The following IL15 variants were observed in gnomAD, a reference collection of about 807,000 sequenced individuals.
IL15 encodes interleukin 15.
IL15 carries 11 observed loss-of-function variants against 19.6 expected under a neutral mutation model. That is an observed-to-expected ratio of 0.56 (90% CI 0.35 to 0.93). The LOEUF (loss-of-function observed/expected upper bound fraction) is 0.93. Ranked by LOEUF, IL15 falls within the 40% of genes least tolerant of loss-of-function variation. The pLI, the probability that IL15 is intolerant of heterozygous loss-of-function variation, is 0.01. For missense variants in IL15, 197 were observed against 186.5 expected, an observed-to-expected ratio of 1.06 and a Z score of -0.33; for synonymous variants, 58 against 59.6, an observed-to-expected ratio of 0.97 and a Z score of 0.12.
intron 2 of IL15, among the ~76,000 whole-genome samples, chr4:141,693,016 C>CCAAAAAAAAAAAAAAAAAAAAAAAAAAA (rs1728968337): frequency 4.3e-5 from 1 of 23,232 alleles, no homozygotes; most frequent in Non-Finnish European, 7.7e-5. Flanking sequence ...GACTCCGTCT[C>CCAAAAAAAAAAAAAAAAAAAAAAAAAAA]AAAAAAAAAA....
intron 1 of IL15, among the ~76,000 whole-genome samples, chr4:141,644,570 T>G (rs1035928343): frequency 2.6e-5 from 4 of 152,134 alleles, no homozygotes; most frequent in Admixed American, 2.6e-4. Flanking sequence ...ATCATTTAAC[T>G]AATTATTGAC....
intron 1 of IL15, among the ~76,000 whole-genome samples, chr4:141,641,113 C>T (rs1039918794): frequency 6.6e-6 from 1 of 152,158 alleles, no homozygotes; most frequent in Non-Finnish European, 1.5e-5. Context: ...ACACTGTTAG[C>T]ACTGACCTCT....
intron 4 of IL15, 135 bp downstream of exon 4, chr4:141,720,701 C>T: frequency 3.0e-6 from 2 of 674,646 alleles, no homozygotes; most frequent in Non-Finnish European, 5.3e-6. Context: ...GGATAGAAGG[C>T]AGACTACAGA....
At chr4:141,700,686 A>G (rs1579032901) in intron 2 of IL15, among the ~76,000 whole-genome samples, 2 of 152,306 alleles carry the variant, frequency 1.3e-5, no homozygotes, top group East Asian at 3.9e-4. Context: ...AAGGCCAAGA[A>G]AGTTTTCCTC....
At chr4:141,663,610 G>C (rs968195085) in intron 2 of IL15, among the ~76,000 whole-genome samples, 18 of 152,194 alleles carry the variant, frequency 1.2e-4, no homozygotes, top group African/African-American at 4.3e-4. Flanking sequence ...AACAAGGCCT[G>C]TTCAGATTCT....
chr4:141,654,871 G>A (rs1485285371), intron 1 of IL15, among the ~76,000 whole-genome samples: 1 of 152,118 alleles, frequency 6.6e-6, no homozygotes, highest in Non-Finnish European at 1.5e-5. Flanking sequence ...GGAGAAGCTA[G>A]CTTGCTATCT....
intron 1 of IL15, among the ~76,000 whole-genome samples, chr4:141,655,752 C>T (rs963201198): frequency 1.3e-5 from 2 of 152,082 alleles, no homozygotes; most frequent in African/African-American, 4.8e-5. Flanking sequence ...GGAGACTTTG[C>T]CACTTCACTT....
At chr4:141,721,652 TA>T in intron 4 of IL15, 1 of 520,822 alleles carries the variant, frequency 1.9e-6, no homozygotes, top group Non-Finnish European at 3.5e-6. Context: ...TTCATTGTGA[TA>T]AATTGAGCCA....
intron 2 of IL15, among the ~76,000 whole-genome samples, chr4:141,693,041 A>AAAAAG (rs1432170620): frequency 6.7e-6 from 1 of 148,962 alleles, no homozygotes; most frequent in Non-Finnish European, 1.5e-5. Flanking sequence ...AAAAAAAAAA[A>AAAAAG]AGATACTACC....
At chr4:141,655,920 G>T (rs754097489) in intron 1 of IL15, among the ~76,000 whole-genome samples, 1 of 152,078 alleles carries the variant, frequency 6.6e-6, no homozygotes, top group Non-Finnish European at 1.5e-5. Context: ...AAGCATTATA[G>T]GTTTTAAAAA....
chr4:141,717,314 G>A (rs1196862972), intron 2 of IL15: 1 of 152,138 alleles, frequency 6.6e-6, no homozygotes, highest in African/African-American at 2.4e-5. Flanking sequence ...TTTAAGAAGT[G>A]GGATCTTTAA....
Position 141,733,927 on chromosome 4 carries a change from C to A in IL15, c.*1079C>A, listed in dbSNP as rs1219430813. On this transcript the variant is annotated 3_prime_UTR_variant, in exon 8 of 8. Transcript: ENST00000320650. ...CTGTCTAAAATTAGCAAGCTCTCTTCTAATGGAACTGTAAGAAAGATGAAA... is the reference window on the plus strand; with the variant it reads ...CTGTCTAAAATTAGCAAGCTCTCTTATAATGGAACTGTAAGAAAGATGAAA... 6.6e-6 allele frequency: 1 copy of A among 152,116 alleles called. No individual in the cohort carries two copies. Among genetic ancestry groups the A allele is most frequent in the Non-Finnish European group, 1.5e-5 (1 of 68,012 alleles). The allele number at this position is 152,116 out of a possible 1,614,324, so 9.4% of individuals were successfully genotyped here. A position where few individuals can be genotyped will look rare whatever the true frequency, so the allele number is the denominator to read the frequency against.
intron 6 of IL15, among the ~76,000 whole-genome samples, chr4:141,729,192 G>A (rs1367089026): frequency 6.6e-6 from 1 of 151,996 alleles, no homozygotes; most frequent in Non-Finnish European, 1.5e-5. Flanking sequence ...CAGGCTCCCA[G>A]GTACTGTGCA....
At chr4:141,679,671 T>A (rs1332181982) in intron 2 of IL15, among the ~76,000 whole-genome samples, 1 of 152,178 alleles carries the variant, frequency 6.6e-6, no homozygotes, top group East Asian at 1.9e-4. Context: ...GACCAAAATA[T>A]TAAAAAACAG....
At chr4:141,709,260 T>C (rs1489352744) in intron 2 of IL15, among the ~76,000 whole-genome samples, 2 of 152,292 alleles carry the variant, frequency 1.3e-5, no homozygotes, top group South Asian at 2.1e-4. Context: ...TAGGTCTAGG[T>C]CATAGATGAC....
At chr4:141,670,926 G>A (rs571504684) in intron 2 of IL15, among the ~76,000 whole-genome samples, 5 of 152,168 alleles carry the variant, frequency 3.3e-5, no homozygotes, top group African/African-American at 1.2e-4. Flanking sequence ...GTATGGAGAA[G>A]AAAGACGTTG....
chr4:141,719,710 C>T (rs571079309), intron 3 of IL15, among the ~76,000 whole-genome samples: 22 of 152,244 alleles, frequency 1.4e-4, no homozygotes, highest in African/African-American at 5.1e-4. Flanking sequence ...ACTTATCCCA[C>T]TCTTTTGTGT....
chr4:141,713,311 G>A (rs1332353970), intron 2 of IL15, among the ~76,000 whole-genome samples: 1 of 152,090 alleles, frequency 6.6e-6, no homozygotes, highest in Non-Finnish European at 1.5e-5. Flanking sequence ...CAAACCAACT[G>A]TTTATTTATC....
intron 1 of IL15, among the ~76,000 whole-genome samples, chr4:141,641,763 C>A (rs1416447183): frequency 6.6e-6 from 1 of 150,912 alleles, no homozygotes; most frequent in Non-Finnish European, 1.5e-5. Flanking sequence ...ATGGGTGCAG[C>A]ACACCAACAT....
Sources: gnomAD v4.1 joint callset for allele counts (sites outside exome capture counted in the v4.1 genomes callset) on GRCh38, gnomAD v4.1.1 for gene constraint, MANE v1.5 for transcripts, NCBI Gene and HGNC (gene_info 2026-07-23, HGNC 2026-07-21) for gene names.